The following GKAP1 variants were observed in gnomAD, a reference collection of about 807,000 sequenced individuals.
GKAP1 encodes the protein G kinase anchoring protein 1, also known as G kinase-anchoring protein 1.
In GKAP1, 31 loss-of-function variants were observed where a neutral mutation model predicts 56.7. That is an observed-to-expected ratio of 0.55 (90% CI 0.41 to 0.74). GKAP1 has a LOEUF of 0.74. Among genes scored for constraint, GKAP1 ranks in the 30% least tolerant of loss-of-function variants. GKAP1 has a pLI of 0.00. For synonymous variants in GKAP1, 151 were observed against 138.6 expected, an observed-to-expected ratio of 1.09 and a Z score of -0.63; for missense variants, 364 against 402.3, an observed-to-expected ratio of 0.90 and a Z score of 0.82.
At chr9:83,816,206 AG>A in intron 2 of GKAP1, among the ~76,000 whole-genome samples, 1 of 152,028 alleles carries the variant, frequency 6.6e-6, no homozygotes, top group East Asian at 1.9e-4. Context: ...AAAAAAAAAT[AG>A]GGTTCACAAT....
chr9:83,779,685 C>A (rs148542748), intron 7 of GKAP1, among the ~76,000 whole-genome samples: 1 of 149,068 alleles, frequency 6.7e-6, no homozygotes, highest in Admixed American at 6.7e-5. Context: ...AAAAATTAAA[C>A]AACGGAATGC....
chr9:83,774,701 C>CTTTTTTTTTTT (rs1564199151), intron 7 of GKAP1, among the ~76,000 whole-genome samples: 1 of 100,942 alleles, frequency 9.9e-6, no homozygotes, highest in Non-Finnish European at 2.0e-5. Context: ...ACAGAAACCC[C>CTTTTTTTTTTT]CTTTTTTTTT....
chr9:83,768,124 T>A (rs1943694308), intron 8 of GKAP1, among the ~76,000 whole-genome samples: 1 of 152,226 alleles, frequency 6.6e-6, no homozygotes, highest in Non-Finnish European at 1.5e-5. Context: ...TCTAACTTCT[T>A]AGTTTCACAG....
At chr9:83,776,454 T>C (rs902444085) in intron 7 of GKAP1, among the ~76,000 whole-genome samples, 7 of 152,170 alleles carry the variant, frequency 4.6e-5, no homozygotes, top group Non-Finnish European at 7.3e-5. Context: ...AATCCCACTT[T>C]GGGAGGCCGA....
At chr9:83,758,764 T>C (rs1262536479) in intron 8 of GKAP1, among the ~76,000 whole-genome samples, 2 of 149,630 alleles carry the variant, frequency 1.3e-5, no homozygotes, top group Non-Finnish European at 3.0e-5. Context: ...AAAAACTGAA[T>C]GACAGACAGA....
At chr9:83,758,930 G>A (rs532431317) in intron 8 of GKAP1, among the ~76,000 whole-genome samples, 2 of 152,064 alleles carry the variant, frequency 1.3e-5, no homozygotes, top group Admixed American at 1.3e-4. Context: ...AAAGAGAAGT[G>A]GAGAATTTTT....
chr9:83,780,465 T>TAAAAAAA (rs200663185), intron 6 of GKAP1, 61 bp from the exon 7 acceptor site: 2 of 210,948 alleles, frequency 9.5e-6, no homozygotes, highest in South Asian at 5.7e-5. Context: ...TACAAAAATG[T>TAAAAAAA]AAAAAAAAAA....
At chr9:83,779,123 A>G (rs989618788) in intron 7 of GKAP1, among the ~76,000 whole-genome samples, 5 of 152,048 alleles carry the variant, frequency 3.3e-5, no homozygotes, top group Non-Finnish European at 7.4e-5. Flanking sequence ...ATGGACAAAA[A>G]TAAATTGGAA....
At chr9:83,815,364 G>A (rs943511540) in intron 2 of GKAP1, among the ~76,000 whole-genome samples, 2 of 150,844 alleles carry the variant, frequency 1.3e-5, no homozygotes, top group African/African-American at 2.4e-5. Flanking sequence ...CTCCAGCCTC[G>A]GCCTCCCAAA....
chr9:83,812,649 T>C (rs888158235), intron 2 of GKAP1, among the ~76,000 whole-genome samples: 2 of 148,050 alleles, frequency 1.4e-5, no homozygotes, highest in African/African-American at 2.5e-5. Flanking sequence ...TCTACAATGA[T>C]ATTAGTTCTA....
At chr9:83,810,981 G>C (rs557632743) in intron 2 of GKAP1, among the ~76,000 whole-genome samples, 3 of 152,266 alleles carry the variant, frequency 2.0e-5, no homozygotes, top group Non-Finnish European at 2.9e-5. Context: ...GGAGGCAACT[G>C]TAACACAATG....
chr9:83,791,230 G>A (rs1372335531), intron 4 of GKAP1, among the ~76,000 whole-genome samples: 1 of 151,856 alleles, frequency 6.6e-6, no homozygotes, highest in Non-Finnish European at 1.5e-5. Flanking sequence ...GTGAAACCCC[G>A]TCTCTACTAA....
rs1455282157 is a variant in GKAP1 at position 83,748,360 on chromosome 9, C to T, written c.853G>A (p.Glu285Lys). ...AATTGTGCATTTCTTGCCTTTACTT[C>T]CTTATACTTTGCCTAATAGTCAAAG... ...VITQWEAKYK[E>K]VKARNAQLLK... Residue 285 changes from glutamate to lysine, a missense_variant, in exon 10 of 13, where the codon GAA becomes AAA. By Grantham distance (56) the Glu-to-Lys change is moderately conservative. Transcript: ENST00000376371. 8 of 1,577,950 alleles carry T rather than the reference C, an allele frequency of 5.1e-6. No individual in the cohort carries two copies. The highest frequency in any genetic ancestry group is 1.7e-6 in the Non-Finnish European group (2 of 1,158,512).
intron 7 of GKAP1, among the ~76,000 whole-genome samples, chr9:83,779,586 C>CATATACACACACAT (rs10636498): frequency 2.5e-5 from 3 of 121,918 alleles, no homozygotes; most frequent in African/African-American, 9.0e-5. Flanking sequence ...TATATATACA[C>CATATACACACACAT]GTATATGTGT....
At chr9:83,785,636 T>A (rs575401642) in intron 5 of GKAP1, among the ~76,000 whole-genome samples, 1 of 152,290 alleles carries the variant, frequency 6.6e-6, no homozygotes, top group East Asian at 1.9e-4. Flanking sequence ...CTAGGTCTTG[T>A]TTAACTTATC....
chr9:83,766,794 C>A (rs1358267560), intron 8 of GKAP1, among the ~76,000 whole-genome samples: 1 of 152,148 alleles, frequency 6.6e-6, no homozygotes, highest in Non-Finnish European at 1.5e-5. Context: ...GCAAAAGTTA[C>A]ATAGTACTGA....
intron 5 of GKAP1, among the ~76,000 whole-genome samples, chr9:83,786,997 G>A (rs781163820): frequency 1.3e-5 from 2 of 152,132 alleles, no homozygotes; most frequent in Non-Finnish European, 2.9e-5. Context: ...CTTTTCCGGT[G>A]TAACCTGACA....
At chr9:83,744,504 T>G (rs961144557) in intron 10 of GKAP1, among the ~76,000 whole-genome samples, 2 of 152,180 alleles carry the variant, frequency 1.3e-5, no homozygotes, top group African/African-American at 2.4e-5. Context: ...ACAAGCAAAC[T>G]TCAGGTTTTC....
chr9:83,802,890 G>C (rs1257265457), intron 3 of GKAP1, among the ~76,000 whole-genome samples: 1 of 151,910 alleles, frequency 6.6e-6, no homozygotes, highest in Non-Finnish European at 1.5e-5. Flanking sequence ...CCAGCACTTT[G>C]GGAGGCCAAG....
Sources: allele counts gnomAD v4.1 joint callset (sites outside exome capture counted in the v4.1 genomes callset), GRCh38; gene constraint gnomAD v4.1.1; transcripts MANE v1.5; gene names NCBI Gene and HGNC (gene_info 2026-07-23, HGNC 2026-07-21).